GRID2: variants seen among roughly 807,000 people sequenced by gnomAD.
GRID2 encodes glutamate ionotropic receptor delta type subunit 2.
Under a neutral mutation model 114.8 loss-of-function variants are expected in GRID2, and 33 were observed. The observed-to-expected ratio is 0.29, with a 90% CI of 0.22 to 0.38. The LOEUF is 0.38. GRID2 is among the 10% of genes least tolerant of loss of function. GRID2 has a pLI of 1.00. For missense variants in GRID2, 1,184 were observed against 1,257.7 expected (o/e 0.94, Z 0.89); for synonymous variants, 505 against 449.9 (o/e 1.12, Z -1.55).
chr4:93,198,624 A>G (rs2149456973), intron 4 of GRID2, among the ~76,000 whole-genome samples: 1 of 152,218 alleles, frequency 6.6e-6, no homozygotes, highest in Admixed American at 6.5e-5. Flanking sequence ...GTGTCAGGCA[A>G]GCATAAGGGT....
chr4:92,658,126 T>G (rs565841824), intron 2 of GRID2, among the ~76,000 whole-genome samples: 10 of 151,902 alleles, frequency 6.6e-5, no homozygotes, highest in African/African-American at 1.9e-4. Flanking sequence ...AAATATACTT[T>G]ACTATGGTAA....
chr4:93,201,844 T>C (rs1742140511), intron 4 of GRID2, among the ~76,000 whole-genome samples: 1 of 152,166 alleles, frequency 6.6e-6, no homozygotes, highest in Admixed American at 6.5e-5. Context: ...TTTCCAAAGA[T>C]TCAGAAGTTC....
intron 1 of GRID2, among the ~76,000 whole-genome samples, chr4:92,359,154 T>A (rs1307565879): frequency 6.6e-6 from 1 of 151,924 alleles, no homozygotes; most frequent in Non-Finnish European, 1.5e-5. Flanking sequence ...TCTTTGTTCT[T>A]CTTTCACGAT....
intron 3 of GRID2, among the ~76,000 whole-genome samples, chr4:93,093,824 C>G (rs777371668): frequency 2.6e-5 from 4 of 151,864 alleles, no homozygotes; most frequent in Non-Finnish European, 5.9e-5. Flanking sequence ...TTTAAGGCAG[C>G]TAATGCCAGG....
chr4:93,291,440 G>C (rs1753748219), intron 8 of GRID2, among the ~76,000 whole-genome samples: 2 of 152,154 alleles, frequency 1.3e-5, no homozygotes, highest in Non-Finnish European at 2.9e-5. Context: ...GGTTTTGTTA[G>C]AATTAAGTGG....
At chr4:92,847,651 T>C (rs1743433907) in intron 2 of GRID2, among the ~76,000 whole-genome samples, 1 of 152,052 alleles carries the variant, frequency 6.6e-6, no homozygotes, top group Non-Finnish European at 1.5e-5. Flanking sequence ...TACTGATGAA[T>C]TTGTTCCCAT....
At chr4:92,691,708 G>A (rs1159067585) in intron 2 of GRID2, among the ~76,000 whole-genome samples, 1 of 152,136 alleles carries the variant, frequency 6.6e-6, no homozygotes, top group Non-Finnish European at 1.5e-5. Flanking sequence ...GACCATGTTT[G>A]GAAAACGGCA....
At chr4:92,684,485 C>G (rs1285496931) in intron 2 of GRID2, among the ~76,000 whole-genome samples, 5 of 152,008 alleles carry the variant, frequency 3.3e-5, no homozygotes, top group African/African-American at 1.2e-4. Context: ...CCCCTCATTT[C>G]TTGTTCTGTC....
chr4:93,736,503 T>G (rs1199253005), intron 14 of GRID2, among the ~76,000 whole-genome samples: 1 of 152,030 alleles, frequency 6.6e-6, no homozygotes, highest in African/African-American at 2.4e-5. Flanking sequence ...TAATACCCAT[T>G]AACCATGCTG....
chr4:93,192,443 TAAGAA>T (rs1410950547), intron 4 of GRID2, among the ~76,000 whole-genome samples: 1 of 152,016 alleles, frequency 6.6e-6, no homozygotes, highest in African/African-American at 2.4e-5. Context: ...GGGTAGGTCT[TAAGAA>T]AGGAGATTTC....
intron 2 of GRID2, among the ~76,000 whole-genome samples, chr4:92,995,420 T>C (rs1393207965): frequency 6.6e-6 from 1 of 152,192 alleles, no homozygotes; most frequent in Admixed American, 6.5e-5. Flanking sequence ...ATATATTCTC[T>C]TTTTAATTAT....
chr4:93,316,165 G>C (rs1756562134), intron 8 of GRID2, among the ~76,000 whole-genome samples: 1 of 151,770 alleles, frequency 6.6e-6, no homozygotes, highest in Non-Finnish European at 1.5e-5. Context: ...CTCAAAAAGG[G>C]GAGGTGGAAC....
At chr4:92,725,136 A>T (rs1451929994) in intron 2 of GRID2, among the ~76,000 whole-genome samples, 5 of 152,118 alleles carry the variant, frequency 3.3e-5, no homozygotes, top group Non-Finnish European at 7.4e-5. Context: ...CCCCGTCTCT[A>T]CCAAAAATAT....
intron 11 of GRID2, among the ~76,000 whole-genome samples, chr4:93,476,200 G>A (rs1317705318): frequency 6.6e-6 from 1 of 151,886 alleles, no homozygotes; most frequent in Non-Finnish European, 1.5e-5. Flanking sequence ...ATAGGCAATT[G>A]GTATACAATG....
At chr4:92,417,669 G>A (rs1731688808) in intron 1 of GRID2, among the ~76,000 whole-genome samples, 1 of 152,082 alleles carries the variant, frequency 6.6e-6, no homozygotes, top group Admixed American at 6.6e-5. Flanking sequence ...ATGTGAGGAG[G>A]TGGATGTTAA....
At chr4:92,937,156 G>T (rs1439433579) in intron 2 of GRID2, among the ~76,000 whole-genome samples, 2 of 146,092 alleles carry the variant, frequency 1.4e-5, no homozygotes, top group African/African-American at 4.9e-5. Context: ...TTCTCTCGCT[G>T]TCTTGATAGT....
Position 93,609,222 on chromosome 4 carries a change from A to G in GRID2, c.2194-17047A>G, listed in dbSNP as rs1050529312. Among the ~76,000 whole-genome samples the G allele has an allele frequency of 3.4e-5, 3 of 88,548 alleles. 1 individual carries two copies. The highest frequency in any genetic ancestry group is 1.3e-4 in the African/African-American group (3 of 22,262). 58.1% of individuals were successfully genotyped at this position (88,548 alleles called of 152,430 possible). ...AGATTCTGGATATTAGCCCTTTGTC[A>G]GATGAGTAGGTTGCAAAAATTTTCT... On this transcript the variant is annotated intron_variant, in intron 13 of 15. Coordinates refer to ENST00000282020, the MANE Select transcript of GRID2 (RefSeq NM_001510.4).
intron 3 of GRID2, among the ~76,000 whole-genome samples, chr4:93,094,016 C>A (rs1730996839): frequency 6.6e-6 from 1 of 151,992 alleles, no homozygotes; most frequent in South Asian, 2.1e-4. Flanking sequence ...CTGATTCTTT[C>A]ACTTTTTATT....
At chr4:92,860,821 A>G (rs574864190) in intron 2 of GRID2, among the ~76,000 whole-genome samples, 5 of 152,180 alleles carry the variant, frequency 3.3e-5, no homozygotes, top group Admixed American at 6.5e-5. Context: ...TATTTATCAA[A>G]TGAAAACCAG....
Sources: allele counts gnomAD v4.1 joint callset (sites outside exome capture counted in the v4.1 genomes callset), GRCh38; gene constraint gnomAD v4.1.1; transcripts MANE v1.5; gene names NCBI Gene and HGNC (gene_info 2026-07-23, HGNC 2026-07-21).